KCTD16: variants seen among roughly 807,000 people sequenced by gnomAD.
KCTD16 encodes BTB/POZ domain-containing protein KCTD16.
KCTD16 carries 13 observed loss-of-function variants against 33.2 expected under a neutral mutation model. That is an observed-to-expected ratio of 0.39 (90% CI 0.25 to 0.62). KCTD16 has a LOEUF of 0.62. KCTD16 is among the 20% of genes least tolerant of loss of function. The probability of loss-of-function intolerance (pLI) is 0.50; values close to 1 mark genes in which losing one functional copy is unlikely to be tolerated. For synonymous variants in KCTD16, 197 were observed against 195.3 expected (o/e 1.01, Z -0.07); for missense variants, 441 against 525.1 (o/e 0.84, Z 1.57).
chr5:144,194,366 A>C (rs1276469069), intron 2 of KCTD16, among the ~76,000 whole-genome samples: 2 of 152,182 alleles, frequency 1.3e-5, no homozygotes, highest in Non-Finnish European at 2.9e-5. Flanking sequence ...TGACTTATCC[A>C]AACCACCTCT....
At chr5:144,375,326 T>G (rs1219001013) in intron 3 of KCTD16, among the ~76,000 whole-genome samples, 2 of 152,248 alleles carry the variant, frequency 1.3e-5, no homozygotes, top group Non-Finnish European at 2.9e-5. Flanking sequence ...TCCTTTTTTC[T>G]ATTATAATAG....
intron 3 of KCTD16, among the ~76,000 whole-genome samples, chr5:144,312,710 T>C (rs574240116): frequency 9.5e-4 from 144 of 152,290 alleles, no homozygotes; most frequent in African/African-American, 3.4e-3. Context: ...AAATGTAAAA[T>C]AATGTATCGT....
intron 3 of KCTD16, among the ~76,000 whole-genome samples, chr5:144,452,771 A>G (rs1753974158): frequency 6.7e-6 from 1 of 149,434 alleles, no homozygotes; most frequent in Non-Finnish European, 1.5e-5. Flanking sequence ...GCCAAGCAAG[A>G]ATAAAAAAAA....
intron 3 of KCTD16, among the ~76,000 whole-genome samples, chr5:144,369,164 T>C (rs1412098055): frequency 6.6e-6 from 1 of 152,092 alleles, no homozygotes; most frequent in Non-Finnish European, 1.5e-5. Context: ...ATAGGACCGA[T>C]TTAGCCTCAG....
intron 3 of KCTD16, among the ~76,000 whole-genome samples, chr5:144,381,942 A>G (rs1327965103): frequency 5.3e-5 from 8 of 152,210 alleles, no homozygotes; most frequent in African/African-American, 1.9e-4. Flanking sequence ...TCATTGCAGC[A>G]CTATTTACAA....
intron 3 of KCTD16, among the ~76,000 whole-genome samples, chr5:144,316,292 G>A (rs1490538993): frequency 3.3e-5 from 5 of 152,106 alleles, no homozygotes; most frequent in Admixed American, 2.6e-4. Flanking sequence ...AACCGAGCTT[G>A]TAGGTGAATT....
intron 2 of KCTD16, among the ~76,000 whole-genome samples, chr5:144,179,196 TG>T (rs1023722351): frequency 7.9e-5 from 12 of 152,200 alleles, no homozygotes. Flanking sequence ...GGTTTGGCCA[TG>T]AGTTCCCTTG....
At chr5:144,341,287 A>C (rs1561573498) in intron 3 of KCTD16, among the ~76,000 whole-genome samples, 1 of 152,136 alleles carries the variant, frequency 6.6e-6, no homozygotes, top group East Asian at 1.9e-4. Context: ...TTCCTTCTGG[A>C]TGGGGTGGTA....
intron 3 of KCTD16, among the ~76,000 whole-genome samples, chr5:144,467,630 C>G (rs1197059041): frequency 6.6e-6 from 1 of 152,092 alleles, no homozygotes; most frequent in Non-Finnish European, 1.5e-5. Context: ...GCGTGGCTGG[C>G]AAAGGGAAGA....
chr5:144,450,968 GAAAT>G (rs1219273829), intron 3 of KCTD16, among the ~76,000 whole-genome samples: 4 of 151,964 alleles, frequency 2.6e-5, no homozygotes, highest in Admixed American at 6.6e-5. Context: ...ATTGCAAAAA[GAAAT>G]AAAAACAACA....
chr5:144,172,561 A>G (rs1243942412), intron 1 of KCTD16, among the ~76,000 whole-genome samples: 1 of 152,212 alleles, frequency 6.6e-6, no homozygotes, highest in Non-Finnish European at 1.5e-5. Context: ...TCAAGTGTTC[A>G]CCACCTTTCA....
chr5:144,451,489 T>G (rs1270137625), intron 3 of KCTD16, among the ~76,000 whole-genome samples: 1 of 152,118 alleles, frequency 6.6e-6, no homozygotes, highest in Non-Finnish European at 1.5e-5. Flanking sequence ...AATTACAGGT[T>G]AAAAATGACA....
intron 3 of KCTD16, among the ~76,000 whole-genome samples, chr5:144,249,510 CTATT>C (rs1194548372): frequency 1.3e-5 from 2 of 152,148 alleles, no homozygotes; most frequent in East Asian, 3.9e-4. Context: ...CATTCAGTAA[CTATT>C]TATTTAATAA....
chr5:144,172,959 G>T (rs1285685719), intron 1 of KCTD16, among the ~76,000 whole-genome samples: 1 of 152,106 alleles, frequency 6.6e-6, no homozygotes, highest in Non-Finnish European at 1.5e-5. Context: ...ACAAGAATAT[G>T]AGCATTAAAA....
intron 3 of KCTD16, among the ~76,000 whole-genome samples, chr5:144,219,971 A>T (rs546803620): frequency 7.2e-4 from 110 of 152,298 alleles, no homozygotes; most frequent in Non-Finnish European, 6.3e-4. Flanking sequence ...GTTACTACAC[A>T]TACTTCATGG....
intron 3 of KCTD16, among the ~76,000 whole-genome samples, chr5:144,371,204 C>A (rs61677918): frequency 2.0e-5 from 3 of 152,016 alleles, no homozygotes; most frequent in Admixed American, 6.6e-5. Flanking sequence ...CAAAGATGGG[C>A]GTACTAACCT....
intron 1 of KCTD16, among the ~76,000 whole-genome samples, chr5:144,172,630 C>A (rs1408745313): frequency 6.6e-6 from 1 of 152,106 alleles, no homozygotes; most frequent in Non-Finnish European, 1.5e-5. Context: ...GGTAGAATGA[C>A]CACATATTAT....
chr5:144,306,010 T>G (rs1232313051), intron 3 of KCTD16, among the ~76,000 whole-genome samples: 2 of 152,114 alleles, frequency 1.3e-5, no homozygotes, highest in Admixed American at 1.3e-4. Context: ...CCTAGAAAAT[T>G]AAAACAGATG....
chr5:144,446,625 C>G (rs891033089), intron 3 of KCTD16, among the ~76,000 whole-genome samples: 7 of 152,084 alleles, frequency 4.6e-5, no homozygotes, highest in African/African-American at 7.2e-5. Context: ...AGGCAACCTA[C>G]AGAATGGGAG....
Sources: allele counts gnomAD v4.1 joint callset (sites outside exome capture counted in the v4.1 genomes callset), GRCh38; gene constraint gnomAD v4.1.1; transcripts MANE v1.5; gene names NCBI Gene and HGNC (gene_info 2026-07-23, HGNC 2026-07-21).